Variants in CSMD1 observed in about 807,000 individuals in gnomAD.
The protein encoded by CSMD1 is CUB and sushi domain-containing protein 1.
Under a neutral mutation model 417.5 loss-of-function variants are expected in CSMD1, and 213 were observed. The ratio of observed to expected loss-of-function variants is 0.51; its 90% CI spans 0.46 to 0.57. The LOEUF is 0.57. Ranked by LOEUF, CSMD1 falls within the 20% of genes least tolerant of loss-of-function variation. The probability of loss-of-function intolerance (pLI) is 0.00; values close to 1 mark genes in which losing one functional copy is unlikely to be tolerated. For synonymous variants in CSMD1, 2,862 were observed against 1,736.8 expected, an observed-to-expected ratio of 1.65 and a Z score of -16.11; for missense variants, 6,923 against 4,529.7, an observed-to-expected ratio of 1.53 and a Z score of -15.17.
intron 2 of CSMD1, among the ~76,000 whole-genome samples, chr8:4,424,318 T>C (rs777029683): frequency 1.3e-5 from 2 of 151,866 alleles, no homozygotes; most frequent in African/African-American, 2.4e-5. Flanking sequence ...ATCTAGAATA[T>C]ACCATGAACT....
At chr8:4,808,731 C>T (rs1028854417) in intron 1 of CSMD1, among the ~76,000 whole-genome samples, 2 of 152,134 alleles carry the variant, frequency 1.3e-5, no homozygotes, top group African/African-American at 2.4e-5. Context: ...AGAAAGTTTG[C>T]CTAATGGGAG....
intron 1 of CSMD1, among the ~76,000 whole-genome samples, chr8:4,640,669 C>G (rs1803131356): frequency 6.6e-6 from 1 of 152,036 alleles, no homozygotes; most frequent in Non-Finnish European, 1.5e-5. Flanking sequence ...ATTGAATATT[C>G]TTAATGGACA....
chr8:4,099,318 C>T (rs1329381597), intron 3 of CSMD1, among the ~76,000 whole-genome samples: 2 of 152,060 alleles, frequency 1.3e-5, no homozygotes, highest in Non-Finnish European at 2.9e-5. Flanking sequence ...CATGAAGGAG[C>T]TATACTCACT....
intron 12 of CSMD1, among the ~76,000 whole-genome samples, chr8:3,458,779 G>T (rs1816312277): frequency 6.6e-6 from 1 of 152,158 alleles, no homozygotes. Flanking sequence ...TCACCAAGAT[G>T]AAGACATTGT....
intron 23 of CSMD1, among the ~76,000 whole-genome samples, chr8:3,331,626 T>A (rs1033023182): frequency 1.3e-5 from 2 of 152,204 alleles, no homozygotes; most frequent in African/African-American, 2.4e-5. Context: ...TGAATGTGAA[T>A]TGCCTGGCAC....
intron 3 of CSMD1, among the ~76,000 whole-genome samples, chr8:4,238,845 A>C (rs1802220784): frequency 6.6e-6 from 1 of 152,158 alleles, no homozygotes; most frequent in Admixed American, 6.6e-5. Flanking sequence ...TAATAAGTAC[A>C]TTTTTAAAAA....
Position 4,061,008 on chromosome 8 carries a change from G to C in CSMD1, c.416-28909C>G, listed in dbSNP as rs531570880. Among the ~76,000 whole-genome samples the C allele has an allele frequency of 8.5e-5, 13 of 152,262 alleles. No homozygotes were observed. The East Asian group carries it at 1.5e-3, about 18-fold the overall frequency. ...TTGTGAGCAAGCAAAGCAAAAAAGA[G>C]AATTAATTTCACAATACCCATTGTG... On this transcript the variant is annotated intron_variant, in intron 3 of 69. Transcript: ENST00000635120.
chr8:4,675,913 G>A (rs1294960582), intron 1 of CSMD1, among the ~76,000 whole-genome samples: 1 of 152,138 alleles, frequency 6.6e-6, no homozygotes, highest in Non-Finnish European at 1.5e-5. Context: ...TAGAAAAAGA[G>A]AAAAATAAAC....
At chr8:3,598,203 G>A (rs751703684) in intron 8 of CSMD1, 3 of 152,186 alleles carry the variant, frequency 2.0e-5, no homozygotes, top group African/African-American at 4.8e-5. Context: ...AAAAGAGGGT[G>A]TCTAGGGAAG....
intron 3 of CSMD1, among the ~76,000 whole-genome samples, chr8:4,393,191 G>T (rs182701516): frequency 4.6e-5 from 7 of 152,024 alleles, no homozygotes; most frequent in Admixed American, 2.6e-4. Flanking sequence ...GCCCAGGATG[G>T]TCTCAAACTC....
intron 5 of CSMD1, among the ~76,000 whole-genome samples, chr8:3,776,428 T>G (rs1798888729): frequency 6.6e-6 from 1 of 152,180 alleles, no homozygotes; most frequent in South Asian, 2.1e-4. Context: ...ACTCCTGTCC[T>G]TCTCTAATCT....
chr8:4,840,234 A>G lies in CSMD1; in HGVS notation c.85+154098T>C, dbSNP rs901591205. ...TATGAGTCTTTCCTCTGCCACCATC[A>G]CATCGCCAGCTGATAGCCCTTTCAG... On this transcript the variant is annotated intron_variant, in intron 1 of 69. Coordinates refer to ENST00000635120, the MANE Select transcript of CSMD1 (RefSeq NM_033225.6). Among the ~76,000 whole-genome samples the G allele has an allele frequency of 3.6e-4, 9 of 24,946 alleles. No individual in the cohort carries two copies. In the Admixed American group the frequency reaches 4.9e-3, roughly 13 times the overall value. 16.4% of individuals were successfully genotyped at this position (24,946 alleles called of 152,430 possible). A position where few individuals can be genotyped will look rare whatever the true frequency, so the allele number is the denominator to read the frequency against.
At chr8:3,543,942 G>A (rs1798548615) in intron 10 of CSMD1, among the ~76,000 whole-genome samples, 3 of 152,206 alleles carry the variant, frequency 2.0e-5, no homozygotes, top group African/African-American at 7.2e-5. Flanking sequence ...GAGACAGGAA[G>A]TGGCCAAAGC....
chr8:3,778,743 C>T (rs141807696), intron 5 of CSMD1, among the ~76,000 whole-genome samples: 1 of 152,158 alleles, frequency 6.6e-6, no homozygotes, highest in African/African-American at 2.4e-5. Context: ...CTTTGGAAAT[C>T]AGGTTACAAA....
At chr8:3,931,441 T>C (rs1810131012) in intron 5 of CSMD1, among the ~76,000 whole-genome samples, 2 of 150,542 alleles carry the variant, frequency 1.3e-5, no homozygotes, top group Non-Finnish European at 3.0e-5. Flanking sequence ...TTTCAATCCA[T>C]GGCTTTTAAA....
chr8:4,270,980 T>C (rs1450765563), intron 3 of CSMD1, among the ~76,000 whole-genome samples: 7 of 152,180 alleles, frequency 4.6e-5, no homozygotes, highest in Non-Finnish European at 7.4e-5. Flanking sequence ...GTTCACTCTT[T>C]ACTGAGATTG....
chr8:3,889,386 T>G (rs1806787319), intron 5 of CSMD1, among the ~76,000 whole-genome samples: 1 of 147,630 alleles, frequency 6.8e-6, no homozygotes, highest in Non-Finnish European at 1.5e-5. Context: ...AATTTTAATA[T>G]TTTTTACTAA....
At chr8:4,183,874 T>C (rs1256055318) in intron 3 of CSMD1, among the ~76,000 whole-genome samples, 1 of 152,140 alleles carries the variant, frequency 6.6e-6, no homozygotes, top group Non-Finnish European at 1.5e-5. Flanking sequence ...GTGAGTTTTT[T>C]AGTTGGGGCA....
chr8:3,253,221 A>T (rs900601757), intron 26 of CSMD1, among the ~76,000 whole-genome samples: 1 of 151,804 alleles, frequency 6.6e-6, no homozygotes, highest in African/African-American at 2.4e-5. Flanking sequence ...AGATTCTGGT[A>T]TGTTGTGTCT....
Sources: allele counts gnomAD v4.1 joint callset (sites outside exome capture counted in the v4.1 genomes callset), GRCh38; gene constraint gnomAD v4.1.1; transcripts MANE v1.5; gene names NCBI Gene and HGNC (gene_info 2026-07-23, HGNC 2026-07-21).